Variants in GRAMD1B observed in about 807,000 individuals in gnomAD.
GRAMD1B encodes the protein GRAM domain containing 1B, also known as protein Aster-B.
A neutral mutation model predicts 99.7 loss-of-function variants in GRAMD1B; 37 were observed. The ratio of observed to expected loss-of-function variants is 0.37; its 90% confidence interval spans 0.29 to 0.49. The LOEUF (loss-of-function observed/expected upper bound fraction) is 0.49, where lower values mean the gene tolerates loss of function less well. GRAMD1B is among the 20% of genes least tolerant of loss of function. The probability of loss-of-function intolerance (pLI) is 0.98; values close to 1 mark genes in which losing one functional copy is unlikely to be tolerated. For missense variants in GRAMD1B, 888 were observed against 1,009.2 expected (o/e 0.88, Z 1.63); for synonymous variants, 427 against 387.6 (o/e 1.10, Z -1.19).
chr11:123,380,609 T>C (rs1374000152), intron 1 of GRAMD1B, among the ~76,000 whole-genome samples: 1 of 152,204 alleles, frequency 6.6e-6, no homozygotes, highest in Non-Finnish European at 1.5e-5. Flanking sequence ...GGACCCTTTG[T>C]AGTTGGCGTT....
intron 1 of GRAMD1B, among the ~76,000 whole-genome samples, chr11:123,361,239 A>T (rs1946138269): frequency 6.6e-6 from 1 of 152,110 alleles, no homozygotes; most frequent in Non-Finnish European, 1.5e-5. Context: ...CTCTCAATAC[A>T]CACATCTGTA....
intron 1 of GRAMD1B, among the ~76,000 whole-genome samples, chr11:123,462,586 C>T (rs1002020200): frequency 3.9e-5 from 6 of 152,186 alleles, no homozygotes; most frequent in East Asian, 1.9e-4. Context: ...GTGAATGCTA[C>T]GCTCCAGCAC....
At chr11:123,464,205 G>A (rs372186960) in intron 1 of GRAMD1B, among the ~76,000 whole-genome samples, 4 of 152,044 alleles carry the variant, frequency 2.6e-5, no homozygotes, top group Non-Finnish European at 5.9e-5. Context: ...TCGGCAGGCT[G>A]GGGTGGAAGG....
At chr11:123,384,250 ATTTG>A (rs946965798) in intron 1 of GRAMD1B, among the ~76,000 whole-genome samples, 4 of 151,986 alleles carry the variant, frequency 2.6e-5, no homozygotes, top group African/African-American at 9.7e-5. Context: ...CCCCCTGCAG[ATTTG>A]TTTGTTTTCT....
At chr11:123,569,783 G>A (rs1947852325) in intron 2 of GRAMD1B, among the ~76,000 whole-genome samples, 1 of 152,210 alleles carries the variant, frequency 6.6e-6, no homozygotes. Flanking sequence ...CTGGATAACA[G>A]GGTAGTCTTC....
intron 7 of GRAMD1B, chr11:123,598,369 C>G: frequency 9.6e-7 from 1 of 1,038,242 alleles, no homozygotes; most frequent in Non-Finnish European, 1.5e-6. Context: ...CTGATTTGCT[C>G]TTTTTCGTCT....
rs946533766 is a variant in GRAMD1B, at chr11:123,430,559, C to T, written c.-234C>T. 1 of 450,404 alleles carries T rather than the reference C, an allele frequency of 2.2e-6. No homozygotes were observed. The highest frequency in any genetic ancestry group is 3.9e-6 in the Non-Finnish European group (1 of 256,318). 27.9% of individuals were successfully genotyped at this position (450,404 alleles called of 1,614,324 possible). On this transcript the variant is annotated 5_prime_UTR_variant, in exon 1 of 20. Transcript: ENST00000635736. ...TCCCGCCCCTCCCGGGTGGCCTCGCCGGCGGCTGACGGCCCGGAGGACGCG... is the reference window on the plus strand; with the variant it reads ...TCCCGCCCCTCCCGGGTGGCCTCGCTGGCGGCTGACGGCCCGGAGGACGCG...
intron 1 of GRAMD1B, among the ~76,000 whole-genome samples, chr11:123,373,510 A>T (rs77333332): frequency 0.011 from 1,711 of 152,316 alleles, 32 homozygotes; most frequent in African/African-American, 0.039. Flanking sequence ...GGTAGATTTG[A>T]TGTTTATTGA....
At chr11:123,359,606 C>T (rs1946070958) in intron 1 of GRAMD1B, among the ~76,000 whole-genome samples, 1 of 152,100 alleles carries the variant, frequency 6.6e-6, no homozygotes, top group African/African-American at 2.4e-5. Flanking sequence ...CTGCTTGCTG[C>T]CCCCAAGCTT....
At chr11:123,454,664 A>G (rs1950032371) in intron 1 of GRAMD1B, 1 of 152,218 alleles carries the variant, frequency 6.6e-6, no homozygotes, top group Non-Finnish European at 1.5e-5. Context: ...TACTGCCACC[A>G]GGCTCTGCGG....
chr11:123,418,704 T>C (rs1481661309), intron 1 of GRAMD1B, among the ~76,000 whole-genome samples: 1 of 152,134 alleles, frequency 6.6e-6, no homozygotes, highest in Non-Finnish European at 1.5e-5. Context: ...AAGCAGATGA[T>C]ATTCTTCAGT....
Position 123,591,278 on chromosome 11 carries a change from G to C in GRAMD1B, c.685-2804G>C. On this transcript the variant is annotated intron_variant, in intron 4 of 19. Coordinates refer to ENST00000635736, the MANE Select transcript of GRAMD1B (RefSeq NM_001387025.1). The surrounding 1 kb of genome is among the most constrained non-coding windows in gnomAD (Gnocchi z 4.7). ...ACACAGGCCCTCTGCTGAGAAACCAGAGGCCACCCATCCACAGTCAAGCCA... is the reference window on the plus strand; with the variant it reads ...ACACAGGCCCTCTGCTGAGAAACCACAGGCCACCCATCCACAGTCAAGCCA... The C allele has an allele frequency of 7.6e-6, 3 of 397,328 alleles. No individual in the cohort carries two copies. Among genetic ancestry groups the C allele is most frequent in the Non-Finnish European group, 1.3e-5 (3 of 225,550 alleles). The allele number at this position is 397,328 out of a possible 1,614,324, so 24.6% of individuals were successfully genotyped here.
chr11:123,482,431 A>G (rs1428505590), intron 2 of GRAMD1B, among the ~76,000 whole-genome samples: 1 of 152,126 alleles, frequency 6.6e-6, no homozygotes, highest in Non-Finnish European at 1.5e-5. Flanking sequence ...ATGAAATGTG[A>G]TCTTGTATAT....
chr11:123,500,651 T>A (rs1027141251), intron 2 of GRAMD1B, among the ~76,000 whole-genome samples: 5 of 152,144 alleles, frequency 3.3e-5, no homozygotes, highest in African/African-American at 1.2e-4. Flanking sequence ...GTATTATTAT[T>A]AAAATAATAA....
At chr11:123,406,175 A>T (rs530000496) in intron 1 of GRAMD1B, among the ~76,000 whole-genome samples, 2 of 151,402 alleles carry the variant, frequency 1.3e-5, no homozygotes. Context: ...TGTTGGCCAG[A>T]CTGGTCTCGA....
rs370895622 is a variant in GRAMD1B at position 123,594,718 on chromosome 11, C to T, written c.770-17C>T. ...GCTTCCTGCCTCTGAGCTCCCCTAC[C>T]TCCGCTCCTACCACAGATTACTCAT... On this transcript the variant is annotated splice_polypyrimidine_tract_variant and intron_variant, in intron 5 of 19. Coordinates refer to ENST00000635736, the MANE Select transcript of GRAMD1B (RefSeq NM_001387025.1). 5 of 1,354,588 alleles carry T rather than the reference C, an allele frequency of 3.7e-6. No individual in the cohort carries two copies. Among genetic ancestry groups the T allele is most frequent in the African/African-American group, 1.4e-5 (1 of 69,952 alleles). The allele number at this position is 1,354,588 out of a possible 1,614,324, so 83.9% of individuals were successfully genotyped here.
At chr11:123,468,842 A>AT (rs1283170559) in intron 1 of GRAMD1B, among the ~76,000 whole-genome samples, 1 of 151,772 alleles carries the variant, frequency 6.6e-6, no homozygotes, top group East Asian at 1.9e-4. Context: ...TAGGACCATA[A>AT]TGTGGGTGGT....
Position 123,406,666 on chromosome 11 carries a change from A to T in GRAMD1B, c.-176+47867A>T, listed in dbSNP as rs116936396. 9.8e-3 allele frequency among the ~76,000 whole-genome samples: 1,497 copies of T among 152,234 alleles called. 11 individuals carry two copies. Among genetic ancestry groups the T allele is most frequent in the Middle Eastern group, 0.027 (8 of 292 alleles). ...TTATTGTTTAACTTCTCTGAGCTTC[A>T]TTTTACTCATTTATGAAGTAAATGA... On this transcript the variant is annotated intron_variant, in intron 1 of 20. Transcript: ENST00000638157.
intron 2 of GRAMD1B, among the ~76,000 whole-genome samples, chr11:123,515,303 A>G (rs1213692171): frequency 3.3e-5 from 5 of 152,186 alleles, no homozygotes; most frequent in Admixed American, 3.3e-4. Context: ...GTTCAGAAAC[A>G]ATGAGAAATT....
Sources: gnomAD v4.1 joint callset for allele counts (sites outside exome capture counted in the v4.1 genomes callset) on GRCh38, gnomAD v4.1.1 for gene constraint, Gnocchi (gnomAD v3.1) non-coding constraint, MANE v1.5 for transcripts, NCBI Gene and HGNC (gene_info 2026-07-23, HGNC 2026-07-21) for gene names.